Variants in KCNQ5 observed in about 807,000 individuals in gnomAD.
KCNQ5 encodes the protein potassium voltage-gated channel subfamily KQT member 5.
In KCNQ5, 30 loss-of-function variants were observed where a neutral mutation model predicts 98.2. The ratio of observed to expected loss-of-function variants is 0.31; its 90% CI spans 0.23 to 0.41. The LOEUF (loss-of-function observed/expected upper bound fraction) is 0.41, where lower values mean the gene tolerates loss of function less well. Ranked by LOEUF, KCNQ5 falls within the 10% of genes least tolerant of loss-of-function variation. The pLI is 1.00. For synonymous variants in KCNQ5, 458 were observed against 449.4 expected, an observed-to-expected ratio of 1.02 and a Z score of -0.24; for missense variants, 835 against 1,182.5, an observed-to-expected ratio of 0.71 and a Z score of 4.31.
chr6:73,124,334 T>C, intron 8 of KCNQ5, 152 bp from the exon 9 acceptor site: 1 of 701,662 alleles, frequency 1.4e-6, no homozygotes. Context: ...GTTGAGTACA[T>C]TTATTATAAA....
chr6:72,856,908 G>A (rs546136823), intron 1 of KCNQ5, among the ~76,000 whole-genome samples: 82 of 152,312 alleles, frequency 5.4e-4, no homozygotes, highest in African/African-American at 1.8e-3. Context: ...CGTGGGGCTG[G>A]AGATGCAGAA....
At chr6:73,184,661 TCA>T (rs1326296349) in intron 11 of KCNQ5, among the ~76,000 whole-genome samples, 2 of 152,244 alleles carry the variant, frequency 1.3e-5, no homozygotes, top group African/African-American at 4.8e-5. Flanking sequence ...TTTAGCTACC[TCA>T]CAGTGCATTT....
In KCNQ5 at chr6:72,856,784, C is replaced by T. The variant is rs1036068642; in HGVS notation, c.399-147124C>T. On this transcript the variant is annotated intron_variant, in intron 1 of 13. Coordinates refer to ENST00000370398, the MANE Select transcript of KCNQ5 (RefSeq NM_019842.4). ...AAAGTGCCCAGGATCTAGACCGTTG[C>T]ATTGTGGAGGTCCCCATGTCCAGCA... Among the ~76,000 whole-genome samples, 13 of 152,154 alleles carry T rather than the reference C, an allele frequency of 8.5e-5. 1 individual carries two copies. Among genetic ancestry groups the T allele is most frequent in the Admixed American group, 5.9e-4 (9 of 15,268 alleles).
intron 10 of KCNQ5, among the ~76,000 whole-genome samples, chr6:73,141,364 A>G (rs1466433546): frequency 6.6e-6 from 1 of 152,242 alleles, no homozygotes; most frequent in African/African-American, 2.4e-5. Flanking sequence ...CATTCAGACC[A>G]TAACAGGTTG....
chr6:72,855,504 A>C (rs921087045), intron 1 of KCNQ5, among the ~76,000 whole-genome samples: 5 of 152,216 alleles, frequency 3.3e-5, no homozygotes, highest in African/African-American at 1.2e-4. Flanking sequence ...TATACACCAC[A>C]GTCCATTATA....
chr6:72,842,932 A>T (rs1776862021), intron 1 of KCNQ5, among the ~76,000 whole-genome samples: 1 of 152,136 alleles, frequency 6.6e-6, no homozygotes, highest in Non-Finnish European at 1.5e-5. Context: ...CCCATTCTGT[A>T]GGTTGCCTGT....
chr6:72,727,524 ATTT>A lies in KCNQ5; in HGVS notation c.398+104945_398+104947del, dbSNP rs66468267. On this transcript the variant is annotated intron_variant, in intron 1 of 13. Transcript: ENST00000370398. ...TACTTTGATTTCACAATTTTTCTGGATTTTTTTTTTCACTTTTGTAGACATATA... is the reference window on the plus strand; with the variant it reads ...TACTTTGATTTCACAATTTTTCTGGATTTTTTTCACTTTTGTAGACATATA... Among the ~76,000 whole-genome samples the A allele has an allele frequency of 8.1e-3, 1,221 of 150,090 alleles. 9 individuals carry two copies. The highest frequency in any genetic ancestry group is 0.013 in the Non-Finnish European group (906 of 67,352).
intron 1 of KCNQ5, among the ~76,000 whole-genome samples, chr6:72,868,966 A>G (rs939974002): frequency 6.6e-6 from 1 of 152,178 alleles, no homozygotes; most frequent in African/African-American, 2.4e-5. Flanking sequence ...CTTAAAGATA[A>G]CTATTATAAA....
chr6:72,658,053 C>A (rs1766284302), intron 1 of KCNQ5, among the ~76,000 whole-genome samples: 1 of 152,140 alleles, frequency 6.6e-6, no homozygotes, highest in Admixed American at 6.5e-5. Context: ...GTATGATGGG[C>A]AGCCCAAGAA....
intron 1 of KCNQ5, among the ~76,000 whole-genome samples, chr6:72,818,546 C>T (rs950961970): frequency 2.0e-5 from 3 of 151,700 alleles, no homozygotes; most frequent in African/African-American, 7.2e-5. Context: ...TTTACATAAA[C>T]ATTGCCCTTA....
chr6:72,998,662 G>A (rs1037752427), intron 1 of KCNQ5, among the ~76,000 whole-genome samples: 6 of 151,956 alleles, frequency 3.9e-5, no homozygotes, highest in East Asian at 1.9e-4. Flanking sequence ...GCGTGAACCC[G>A]GGAGAAGGAG....
chr6:73,187,704 T>C (rs775075742), intron 11 of KCNQ5, among the ~76,000 whole-genome samples: 2 of 152,186 alleles, frequency 1.3e-5, no homozygotes, highest in African/African-American at 4.8e-5. Context: ...TTATAAACCA[T>C]GGATTTTAAT....
Position 73,196,107 on chromosome 6 carries a change from C to G in KCNQ5, c.*693C>G, listed in dbSNP as rs1406804109. ...ATTCAGGGCCAGTGAGGCAAATAGA[C>G]TATCTGACATATTTGACTTTATGAA... On this transcript the variant is annotated 3_prime_UTR_variant, in exon 14 of 14. Transcript: ENST00000370398. 1 of 152,690 alleles carries G rather than the reference C, an allele frequency of 6.5e-6. No homozygotes were observed. The highest frequency in any genetic ancestry group is 2.4e-5 in the African/African-American group (1 of 41,456). 9.5% of individuals were successfully genotyped at this position (152,690 alleles called of 1,614,324 possible).
chr6:73,109,465 G>A (rs888915122), intron 6 of KCNQ5, among the ~76,000 whole-genome samples: 1 of 152,092 alleles, frequency 6.6e-6, no homozygotes, highest in African/African-American at 2.4e-5. Flanking sequence ...ATATATGCCA[G>A]AAATTTTGGT....
At chr6:72,667,186 A>G (rs1336376151) in intron 1 of KCNQ5, among the ~76,000 whole-genome samples, 1 of 152,062 alleles carries the variant, frequency 6.6e-6, no homozygotes, top group Non-Finnish European at 1.5e-5. Context: ...TCTTTAGGCT[A>G]GCTCAGCTCA....
chr6:73,015,338 T>C (rs1333684615), intron 2 of KCNQ5, among the ~76,000 whole-genome samples: 1 of 152,060 alleles, frequency 6.6e-6, no homozygotes, highest in South Asian at 2.1e-4. Context: ...TGCCGATGAC[T>C]GAAAAGAAAA....
intron 5 of KCNQ5, among the ~76,000 whole-genome samples, chr6:73,101,856 A>T (rs1278602131): frequency 6.6e-6 from 1 of 152,200 alleles, no homozygotes. Context: ...GCAATTCCTA[A>T]CAAAAATACC....
intron 1 of KCNQ5, among the ~76,000 whole-genome samples, chr6:72,632,481 G>C (rs544674762): frequency 1.9e-4 from 29 of 152,076 alleles, no homozygotes; most frequent in Admixed American, 1.2e-3. Context: ...TTTTATTTTA[G>C]AGACGGGGGT....
At chr6:72,826,549 A>G (rs73543827) in intron 1 of KCNQ5, among the ~76,000 whole-genome samples, 42,676 of 151,132 alleles carry the variant, frequency 0.28, 7,245 homozygotes, top group African/African-American at 0.48. Flanking sequence ...TTCCTGCTAT[A>G]ATCTTCTTTT....
Sources: gnomAD v4.1 joint callset for allele counts (sites outside exome capture counted in the v4.1 genomes callset) on GRCh38, gnomAD v4.1.1 for gene constraint, MANE v1.5 for transcripts, NCBI Gene and HGNC (gene_info 2026-07-23, HGNC 2026-07-21) for gene names.